Variants in UBQLN1 observed in about 807,000 individuals in gnomAD.
UBQLN1 encodes ubiquilin 1.
In UBQLN1, 13 loss-of-function variants were observed where a neutral mutation model predicts 65.4. The observed-to-expected ratio is 0.20, with a 90% CI of 0.13 to 0.32. The LOEUF (loss-of-function observed/expected upper bound fraction) is 0.32, where lower values mean the gene tolerates loss of function less well. Ranked by LOEUF, UBQLN1 falls within the 10% of genes least tolerant of loss-of-function variation. The pLI, the probability that UBQLN1 is intolerant of heterozygous loss-of-function variation, is 1.00. For synonymous variants in UBQLN1, 267 were observed against 247.8 expected, an observed-to-expected ratio of 1.08 and a Z score of -0.73; for missense variants, 561 against 724.0, an observed-to-expected ratio of 0.77 and a Z score of 2.58.
intron 6 of UBQLN1, among the ~76,000 whole-genome samples, chr9:83,675,395 A>G (rs1373900865): frequency 3.3e-5 from 5 of 152,152 alleles, no homozygotes; most frequent in East Asian, 1.9e-4. Context: ...TGATCATACT[A>G]AAGTCATTTT....
chr9:83,664,948 G>T, intron 9 of UBQLN1, 82 bp downstream of exon 9: 1 of 611,886 alleles, frequency 1.6e-6, no homozygotes, highest in Non-Finnish European at 2.4e-6. Flanking sequence ...AAAAAAAAAG[G>T]CAGGCAGAAT....
intron 1 of UBQLN1, among the ~76,000 whole-genome samples, chr9:83,703,819 T>C (rs1209132688): frequency 3.3e-5 from 5 of 152,168 alleles, no homozygotes; most frequent in Admixed American, 6.5e-5. Context: ...TATATAGCAC[T>C]GTAAAAAATT....
At chr9:83,676,832 T>G (rs1831840789) in intron 6 of UBQLN1, among the ~76,000 whole-genome samples, 1 of 152,214 alleles carries the variant, frequency 6.6e-6, no homozygotes, top group Non-Finnish European at 1.5e-5. Context: ...ACGCCAAGTA[T>G]TAGGACTAAA....
At chr9:83,702,039 T>C (rs1056689720) in intron 1 of UBQLN1, among the ~76,000 whole-genome samples, 1 of 152,196 alleles carries the variant, frequency 6.6e-6, no homozygotes, top group Admixed American at 6.5e-5. Context: ...GAAAACACTA[T>C]GCTAAGTGAA....
chr9:83,661,901 T>A lies in UBQLN1; in HGVS notation c.1656A>T (p.Glu552Asp). ...NPEVRFQQQLEQLSAMGFLNR... is the reference protein window; with the variant it reads ...NPEVRFQQQLDQLSAMGFLNR... Reference sequence around the variant, plus strand: ...TCAAAAATCCCATTGCACTGAGTTGTTCCAGTTGTTGCTGAAATCTGACTT... The same window carrying A: ...TCAAAAATCCCATTGCACTGAGTTGATCCAGTTGTTGCTGAAATCTGACTT... The change falls in exon 11 of 11, where the codon GAA becomes GAT. Residue 552 changes from glutamate (E) to aspartate (D), a missense_variant. Physicochemically the swap from Glu to Asp is conservative, Grantham distance 45. Around this residue, in one of 8 missense-constraint regions of UBQLN1, gnomAD observed 21 missense variants for 55.7 expected, o/e 0.38. Coordinates refer to ENST00000376395, the MANE Select transcript of UBQLN1 (RefSeq NM_013438.5). 2.5e-6 allele frequency: 4 copies of A among 1,613,840 alleles called. No individual in the cohort carries two copies. Among genetic ancestry groups the A allele is most frequent in the Non-Finnish European group, 3.4e-6 (4 of 1,179,866 alleles).
intron 1 of UBQLN1, among the ~76,000 whole-genome samples, chr9:83,701,127 G>A (rs1832303320): frequency 6.6e-6 from 1 of 152,066 alleles, no homozygotes; most frequent in African/African-American, 2.4e-5. Context: ...ACTCCAAAGA[G>A]TTTTGCTTGT....
chr9:83,694,118 A>T (rs1221281642), intron 1 of UBQLN1, among the ~76,000 whole-genome samples: 1 of 152,240 alleles, frequency 6.6e-6, no homozygotes, highest in Non-Finnish European at 1.5e-5. Flanking sequence ...CTTTTAAACA[A>T]CCATTCTCCA....
intron 1 of UBQLN1, among the ~76,000 whole-genome samples, chr9:83,686,472 G>T (rs1587653550): frequency 6.6e-6 from 1 of 152,134 alleles, no homozygotes; most frequent in African/African-American, 2.4e-5. Context: ...CTTGATGTTA[G>T]TAAGAAATGA....
chr9:83,662,067 A>T (rs896248909), intron 10 of UBQLN1, 128 bp from the exon 11 acceptor site: 4 of 718,842 alleles, frequency 5.6e-6, no homozygotes, highest in Non-Finnish European at 8.7e-6. Context: ...AACACTGCCC[A>T]CCTCTTGAAA....
intron 1 of UBQLN1, among the ~76,000 whole-genome samples, chr9:83,695,398 C>T (rs1385755517): frequency 2.0e-5 from 3 of 152,076 alleles, no homozygotes; most frequent in Admixed American, 2.0e-4. Context: ...TGGGGTTTCA[C>T]TATATTGGCC....
chr9:83,678,059 T>C (rs1268384078), intron 5 of UBQLN1, 98 bp from the exon 6 acceptor site: 4 of 978,320 alleles, frequency 4.1e-6, no homozygotes, highest in Non-Finnish European at 5.8e-6. Flanking sequence ...TCTCGCTCTG[T>C]GACCCAGGCT....
rs777372353 is a variant in UBQLN1 at position 83,682,925 on chromosome 9, C to G, written c.448+26G>C. The G allele has an allele frequency of 9.8e-6, 14 of 1,430,288 alleles. No individual in the cohort carries two copies. The African/African-American group carries it at 1.1e-4, about 12-fold the overall frequency. 88.6% of individuals were successfully genotyped at this position (1,430,288 alleles called of 1,614,324 possible). ...GGGAAAGGAGTATTTTTTCCCATCC[C>G]TACTGGAATGACTAAAGACACTTAC... On this transcript the variant is annotated intron_variant, in intron 3 of 10. Coordinates refer to ENST00000376395, the MANE Select transcript of UBQLN1 (RefSeq NM_013438.5).
intron 1 of UBQLN1, among the ~76,000 whole-genome samples, chr9:83,700,794 A>C (rs532692950): frequency 6.6e-6 from 1 of 152,364 alleles, no homozygotes; most frequent in East Asian, 1.9e-4. Context: ...CAAAGAAAGA[A>C]GGCATCTGCA....
chr9:83,705,248 T>TTG (rs1832381186), intron 1 of UBQLN1, among the ~76,000 whole-genome samples: 1 of 147,126 alleles, frequency 6.8e-6, no homozygotes, highest in South Asian at 2.2e-4. Context: ...CAGCACTCCT[T>TTG]TTTTTTTTTG....
intron 1 of UBQLN1, among the ~76,000 whole-genome samples, chr9:83,706,217 CT>C (rs1832403729): frequency 6.6e-6 from 1 of 152,184 alleles, no homozygotes; most frequent in African/African-American, 2.4e-5. Flanking sequence ...ATACGTGCAA[CT>C]TACTCTGAAT....
chr9:83,681,610 A>G lies in UBQLN1; in HGVS notation c.448+1341T>C, dbSNP rs188800468. ...CTGAATACTAGGCACAATGAACACC[A>G]TATACAAAAAGCACAAAAATAAATG... On this transcript the variant is annotated intron_variant, in intron 3 of 10. Coordinates refer to ENST00000376395, the MANE Select transcript of UBQLN1 (RefSeq NM_013438.5). Among the ~76,000 whole-genome samples, 250 of 152,360 alleles carry G rather than the reference A, an allele frequency of 1.6e-3. 1 individual carries two copies. Among genetic ancestry groups the G allele is most frequent in the African/African-American group, 5.7e-3 (238 of 41,580 alleles).
chr9:83,699,544 C>T lies in UBQLN1; in HGVS notation c.180+7956G>A, dbSNP rs538851937. Among the ~76,000 whole-genome samples the T allele has an allele frequency of 2.0e-5, 3 of 152,254 alleles. No individual in the cohort carries two copies. In the East Asian group the frequency reaches 5.8e-4, roughly 29 times the overall value. On this transcript the variant is annotated intron_variant, in intron 1 of 10. Transcript: ENST00000376395. Reference sequence around the variant, plus strand: ...GGTCTCGAACTCCAGGAGGTGGGGGCTGCAGTGAGCCATGATCACTGAGCC... The same window carrying T: ...GGTCTCGAACTCCAGGAGGTGGGGGTTGCAGTGAGCCATGATCACTGAGCC...
intron 1 of UBQLN1, among the ~76,000 whole-genome samples, chr9:83,704,472 T>C (rs1832363436): frequency 1.3e-5 from 2 of 152,198 alleles, no homozygotes; most frequent in African/African-American, 4.8e-5. Flanking sequence ...ATCAAGAATT[T>C]AAAAATAAAC....
rs994482654 is a variant in UBQLN1, at chr9:83,666,232, T to C, written c.1332+118A>G. 3.0e-5 allele frequency: 26 copies of C among 880,292 alleles called. No individual in the cohort carries two copies. In the African/African-American group the frequency reaches 4.0e-4, roughly 14 times the overall value. 54.5% of individuals were successfully genotyped at this position (880,292 alleles called of 1,614,324 possible). On this transcript the variant is annotated intron_variant, in intron 8 of 10. Transcript: ENST00000376395. ...CTGAATTCTCTACGAATTGACAGCA[T>C]TATTGGTCTCTATTCTATGTTTTGC...
Sources: gnomAD v4.1 joint callset for allele counts (sites outside exome capture counted in the v4.1 genomes callset) on GRCh38, gnomAD v4.1.1 for gene constraint, gnomAD v4.1.1 regional missense constraint, MANE v1.5 for transcripts, NCBI Gene and HGNC (gene_info 2026-07-23, HGNC 2026-07-21) for gene names.